Variants in PCDHA10 observed in about 807,000 individuals in gnomAD.
PCDHA10 encodes protocadherin alpha-10.
Under a neutral mutation model 61.2 loss-of-function variants are expected in PCDHA10, and 45 were observed. That is an observed-to-expected ratio of 0.74 (90% CI 0.58 to 0.94). The LOEUF is 0.94. PCDHA10 is among the 40% of genes least tolerant of loss of function. The pLI is 0.00. For synonymous variants in PCDHA10, 602 were observed against 548.8 expected (o/e 1.10, Z -1.35); for missense variants, 1,278 against 1,236.2 (o/e 1.03, Z -0.51).
intron 3 of PCDHA10, among the ~76,000 whole-genome samples, chr5:140,997,754 G>A (rs1450156263): frequency 6.6e-6 from 1 of 151,922 alleles, no homozygotes; most frequent in Non-Finnish European, 1.5e-5. Context: ...ATCTTCTTGA[G>A]TAAGGATATA....
intron 1 of PCDHA10, among the ~76,000 whole-genome samples, chr5:140,924,244 C>T (rs1375839311): frequency 6.6e-6 from 1 of 152,152 alleles, no homozygotes; most frequent in East Asian, 1.9e-4. Flanking sequence ...TGTTTTGCAT[C>T]CTGGTGAGAT....
intron 1 of PCDHA10, among the ~76,000 whole-genome samples, chr5:140,961,502 T>C (rs6891232): frequency 0.023 from 3,568 of 152,334 alleles, 49 homozygotes; most frequent in Middle Eastern, 0.034. Context: ...TTGGGAGACT[T>C]TGTTTAATGT....
At chr5:140,961,975 C>T (rs1241757389) in intron 1 of PCDHA10, among the ~76,000 whole-genome samples, 1 of 152,034 alleles carries the variant, frequency 6.6e-6, no homozygotes, top group Non-Finnish European at 1.5e-5. Flanking sequence ...CCTCCGCCTC[C>T]TGGGTTCACG....
At chr5:140,914,929 G>A (rs1167844428) in intron 1 of PCDHA10, among the ~76,000 whole-genome samples, 2 of 145,306 alleles carry the variant, frequency 1.4e-5, no homozygotes, top group African/African-American at 5.0e-5. Flanking sequence ...ATTGTACTAT[G>A]TTGTGAAAAG....
intron 1 of PCDHA10, chr5:140,883,601 G>T: frequency 1.2e-6 from 2 of 1,614,022 alleles, no homozygotes; most frequent in Non-Finnish European, 1.7e-6. Flanking sequence ...GTCGGTGGGG[G>T]TGGCCGACGT....
chr5:140,993,631 G>A (rs1466996708), intron 3 of PCDHA10, among the ~76,000 whole-genome samples: 2 of 152,162 alleles, frequency 1.3e-5, no homozygotes, highest in African/African-American at 2.4e-5. Context: ...ATATATAGTC[G>A]TGTACCAAAT....
intron 1 of PCDHA10, among the ~76,000 whole-genome samples, chr5:140,922,848 C>A (rs1345344826): frequency 6.6e-6 from 1 of 151,962 alleles, no homozygotes; most frequent in Non-Finnish European, 1.5e-5. Context: ...TCAAAGAGAC[C>A]AAATACATAG....
At chr5:140,917,357 C>G (rs2078163128) in intron 1 of PCDHA10, among the ~76,000 whole-genome samples, 1 of 146,268 alleles carries the variant, frequency 6.8e-6, no homozygotes, top group African/African-American at 2.5e-5. Context: ...GGCTTCTGTT[C>G]CACTATCTTG....
intron 1 of PCDHA10, among the ~76,000 whole-genome samples, chr5:140,923,810 T>C (rs1433569913): frequency 6.6e-6 from 1 of 152,202 alleles, no homozygotes; most frequent in Non-Finnish European, 1.5e-5. Flanking sequence ...TGAAATCTTC[T>C]GAAAATAGAC....
Position 140,884,013 on chromosome 5 carries a change from C to T in PCDHA10, c.2388+25577C>T, listed in dbSNP as rs148971741. The T allele has an allele frequency of 5.1e-5, 82 of 1,613,132 alleles. No homozygotes were observed. The African/African-American group carries it at 9.2e-4, about 18-fold the overall frequency. On this transcript the variant is annotated intron_variant, in intron 1 of 3. Transcript: ENST00000307360. ...GGAGGCACAGTGAGCGAGCTGATGC[C>T]GCGGTCGGTGGGTGCAGGCCACGTG...
At chr5:140,990,552 C>G (rs1379026755) in intron 3 of PCDHA10, among the ~76,000 whole-genome samples, 5 of 152,130 alleles carry the variant, frequency 3.3e-5, no homozygotes, top group African/African-American at 1.2e-4. Flanking sequence ...CTGTATTACC[C>G]AAGAACACAC....
intron 1 of PCDHA10, among the ~76,000 whole-genome samples, chr5:140,894,053 T>C (rs782239740): frequency 2.4e-4 from 37 of 152,336 alleles, no homozygotes; most frequent in Non-Finnish European, 5.1e-4. Context: ...CTCTGTTGAA[T>C]TGATTTTTAA....
rs781834606 is a variant in PCDHA10 at position 140,857,383 on chromosome 5, C to T, written c.1335C>T (p.Ala445=). ...WATASVSVEV[A]DVNDNAPAFA... ...CGGCCAGCGTGTCTGTGGAGGTGGC[C>T]GACGTGAACGACAACGCGCCTGCGT... The change falls in exon 1 of 4, where the codon GCC becomes GCT. Residue 445 remains alanine (A), a synonymous_variant. Coordinates refer to ENST00000307360, the MANE Select transcript of PCDHA10 (RefSeq NM_018901.4). 1.3e-6 allele frequency: 2 copies of T among 1,598,150 alleles called. No individual in the cohort carries two copies. The highest frequency in any genetic ancestry group is 1.7e-5 in the Admixed American group (1 of 59,276).
At position 140,969,519 on chromosome 5, in the gene PCDHA10, G is replaced by A. The variant is rs1586385280; in HGVS notation, c.2389-9430G>A. On this transcript the variant is annotated intron_variant, in intron 1 of 3. Transcript: ENST00000307360. ...TCTAGAAAAATAGCACTAAAGAATTGTTTTATTTTTCATTTTCAGAGGCAT... is the reference window on the plus strand; with the variant it reads ...TCTAGAAAAATAGCACTAAAGAATTATTTTATTTTTCATTTTCAGAGGCAT... The A allele has an allele frequency of 3.6e-6, 5 of 1,406,074 alleles. No individual in the cohort carries two copies. The East Asian group carries it at 1.3e-4, about 35-fold the overall frequency. 87.1% of individuals were successfully genotyped at this position (1,406,074 alleles called of 1,614,324 possible). A position where few individuals can be genotyped will look rare whatever the true frequency, so the allele number is the denominator to read the frequency against.
Position 140,872,869 on chromosome 5 carries a change from T to G in PCDHA10, c.2388+14433T>G, listed in dbSNP as rs192241401. On this transcript the variant is annotated intron_variant, in intron 1 of 3. Coordinates refer to ENST00000307360, the MANE Select transcript of PCDHA10 (RefSeq NM_018901.4). ...ATTAATGTGAGTACCTACTGACAAT[T>G]ATCAGTTTCATTCATCTCACTTTGT... is the stretch of plus-strand genomic sequence containing the variant. 4.6e-5 allele frequency among the ~76,000 whole-genome samples: 7 copies of G among 152,364 alleles called. No individual in the cohort carries two copies. In the East Asian group the frequency reaches 1.3e-3, roughly 29 times the overall value.
At chr5:140,968,165 C>T in intron 1 of PCDHA10, 6 of 1,614,120 alleles carry the variant, frequency 3.7e-6, no homozygotes, top group African/African-American at 1.3e-5. Flanking sequence ...TGACAATCCA[C>T]CAAGCTTCCT....
At chr5:140,922,002 A>G (rs138196210) in intron 1 of PCDHA10, among the ~76,000 whole-genome samples, 100 of 152,130 alleles carry the variant, frequency 6.6e-4, no homozygotes, top group Admixed American at 1.6e-3. Flanking sequence ...CAATGAAATG[A>G]TTAGTTTAAA....
At chr5:140,871,719 T>C in intron 1 of PCDHA10, 1 of 783,566 alleles carries the variant, frequency 1.3e-6, no homozygotes, top group Non-Finnish European at 1.9e-6. Context: ...CCTATTTCTC[T>C]TAATATTTGG....
intron 1 of PCDHA10, chr5:140,877,954 T>C: frequency 7.5e-7 from 1 of 1,334,236 alleles, no homozygotes; most frequent in Non-Finnish European, 9.8e-7. Context: ...ATCGAATGTC[T>C]CATCTTTCTT....
Sources: gnomAD v4.1 joint callset for allele counts (sites outside exome capture counted in the v4.1 genomes callset) on GRCh38, gnomAD v4.1.1 for gene constraint, MANE v1.5 for transcripts, NCBI Gene and HGNC (gene_info 2026-07-23, HGNC 2026-07-21) for gene names.